The following CTNNA3 variants were observed in gnomAD, a reference collection of about 807,000 sequenced individuals.
CTNNA3 encodes the protein catenin alpha-3.
In CTNNA3, 76 loss-of-function variants were observed where a neutral mutation model predicts 95.7. That is an observed-to-expected ratio of 0.79 (90% CI 0.66 to 0.96). CTNNA3 has a LOEUF of 0.96. Among genes scored for constraint, CTNNA3 ranks in the 40% least tolerant of loss-of-function variants. CTNNA3 has a pLI of 0.00. For synonymous variants in CTNNA3, 431 were observed against 374.4 expected (o/e 1.15, Z -1.74); for missense variants, 1,191 against 1,089.8 (o/e 1.09, Z -1.31).
intron 7 of CTNNA3, among the ~76,000 whole-genome samples, chr10:67,161,298 A>G (rs1861536290): frequency 2.6e-5 from 4 of 152,032 alleles, no homozygotes; most frequent in Admixed American, 2.0e-4. Context: ...TTCTTTCTTC[A>G]GTTTTCTAAA....
chr10:66,568,689 C>T (rs1030088037), intron 10 of CTNNA3, among the ~76,000 whole-genome samples: 3 of 151,854 alleles, frequency 2.0e-5, no homozygotes, highest in Admixed American at 2.0e-4. Context: ...AGCAATAGAA[C>T]CAAAGTTCAA....
At chr10:65,933,074 C>T (rs991789777) in intron 17 of CTNNA3, among the ~76,000 whole-genome samples, 3 of 151,942 alleles carry the variant, frequency 2.0e-5, no homozygotes, top group Admixed American at 2.0e-4. Flanking sequence ...CTTTAGATTC[C>T]CTGGGTTTTG....
chr10:67,519,027 G>C (rs1174823887), intron 5 of CTNNA3, among the ~76,000 whole-genome samples: 1 of 152,064 alleles, frequency 6.6e-6, no homozygotes, highest in Non-Finnish European at 1.5e-5. Context: ...TCCAATCAAA[G>C]CTATTTCAAC....
rs531661725 is a variant in CTNNA3, at chr10:67,135,160, G to GAAATAGT, written c.1047+45156_1047+45157insACTATTT. The stretch of plus-strand genomic sequence containing the variant: ...GATACAGAGAATGAAATAGTATAAT[G>GAAATAGT]ATAAGTTCATTAATGAATATGGGTG... On this transcript the variant is annotated intron_variant, in intron 7 of 17. Transcript: ENST00000433211. Among the ~76,000 whole-genome samples the GAAATAGT allele has an allele frequency of 4.9e-3, 748 of 152,188 alleles. 6 individuals carry two copies. Among genetic ancestry groups the GAAATAGT allele is most frequent in the Non-Finnish European group, 7.1e-3 (485 of 68,002 alleles).
intron 11 of CTNNA3, among the ~76,000 whole-genome samples, chr10:66,489,396 G>A (rs10997179): frequency 1.3e-5 from 2 of 151,982 alleles, no homozygotes; most frequent in African/African-American, 2.4e-5. Context: ...TTTTTGGGTT[G>A]TAACTCATGA....
chr10:66,641,047 C>T (rs1222577233), intron 9 of CTNNA3, among the ~76,000 whole-genome samples: 5 of 152,002 alleles, frequency 3.3e-5, no homozygotes, highest in African/African-American at 1.2e-4. Flanking sequence ...ATTAAGGAAC[C>T]ACTCTATCTA....
intron 7 of CTNNA3, among the ~76,000 whole-genome samples, chr10:66,816,363 G>A (rs1222698422): frequency 6.6e-6 from 1 of 152,018 alleles, no homozygotes; most frequent in African/African-American, 2.4e-5. Flanking sequence ...AAATGTAAAT[G>A]GGTTAAACAC....
At chr10:66,599,136 C>T (rs764551105) in intron 10 of CTNNA3, among the ~76,000 whole-genome samples, 11 of 151,990 alleles carry the variant, frequency 7.2e-5, no homozygotes, top group Non-Finnish European at 7.4e-5. Flanking sequence ...CTACAAAGAA[C>T]TGCAACAAAT....
At chr10:66,188,282 A>C (rs897522675) in intron 13 of CTNNA3, among the ~76,000 whole-genome samples, 1 of 152,148 alleles carries the variant, frequency 6.6e-6, no homozygotes, top group African/African-American at 2.4e-5. Flanking sequence ...CCTTTTATTA[A>C]CTATCTATAG....
intron 5 of CTNNA3, among the ~76,000 whole-genome samples, chr10:67,300,263 A>G (rs1840213283): frequency 6.6e-6 from 1 of 152,190 alleles, no homozygotes; most frequent in Non-Finnish European, 1.5e-5. Flanking sequence ...TGTAATTTCA[A>G]ACACCTCGTT....
In CTNNA3 at chr10:66,492,826, A is replaced by T. The variant is rs116397966; in HGVS notation, c.1531+27791T>A. The stretch of plus-strand genomic sequence containing the variant: ...TTTGATTCCCTTAAGCATAGTTATT[A>T]TACTCCATCTAGTTTAAAGATCATT... On this transcript the variant is annotated intron_variant, in intron 11 of 17. Transcript: ENST00000433211. 4.1e-3 allele frequency among the ~76,000 whole-genome samples: 621 copies of T among 152,312 alleles called. 8 individuals carry two copies. The highest frequency in any genetic ancestry group is 0.015 in the African/African-American group (608 of 41,578).
chr10:66,993,606 T>C (rs2132945126), intron 7 of CTNNA3, among the ~76,000 whole-genome samples: 1 of 152,002 alleles, frequency 6.6e-6, no homozygotes, highest in East Asian at 1.9e-4. Context: ...AATTTTATAA[T>C]GTGATTTTTG....
At chr10:65,956,837 C>G (rs1359517540) in intron 17 of CTNNA3, among the ~76,000 whole-genome samples, 1 of 152,020 alleles carries the variant, frequency 6.6e-6, no homozygotes, top group Admixed American at 6.6e-5. Context: ...ATAAGTGCGA[C>G]GTTGTGCTGA....
rs367965796 is a variant in CTNNA3 at position 66,355,180 on chromosome 10, CTGAG to C, written c.1732+23968_1732+23971del. Among the ~76,000 whole-genome samples, 190 of 152,162 alleles carry C rather than the reference CTGAG, an allele frequency of 1.2e-3. 3 individuals are homozygous for C. The East Asian group carries it at 0.03, about 24-fold the overall frequency. On this transcript the variant is annotated intron_variant, in intron 12 of 17. Coordinates refer to ENST00000433211, the MANE Select transcript of CTNNA3 (RefSeq NM_013266.4). Reference sequence around the variant, plus strand: ...ATACAACTTAACTGAGAGCTCATTACTGAGTATTAGTATGTGTAAGAAACTTGCA... The same window carrying C: ...ATACAACTTAACTGAGAGCTCATTACTATTAGTATGTGTAAGAAACTTGCA...
intron 3 of CTNNA3, among the ~76,000 whole-genome samples, chr10:67,603,331 T>C (rs1843148228): frequency 6.6e-6 from 1 of 152,196 alleles, no homozygotes; most frequent in Non-Finnish European, 1.5e-5. Context: ...CCCATAGGAA[T>C]ATAGTAGAGT....
intron 9 of CTNNA3, among the ~76,000 whole-genome samples, chr10:66,650,669 C>T (rs1349164259): frequency 6.6e-6 from 1 of 152,122 alleles, no homozygotes; most frequent in Non-Finnish European, 1.5e-5. Context: ...TTCGTGGTCT[C>T]GCTGGCTTCA....
At chr10:67,613,697 T>A (rs1157724355) in intron 2 of CTNNA3, among the ~76,000 whole-genome samples, 1 of 152,218 alleles carries the variant, frequency 6.6e-6, no homozygotes, top group Non-Finnish European at 1.5e-5. Context: ...TGGCACATCC[T>A]TTTTATTACT....
chr10:65,967,296 A>T (rs1400405644), intron 16 of CTNNA3, among the ~76,000 whole-genome samples: 1 of 152,202 alleles, frequency 6.6e-6, no homozygotes, highest in East Asian at 1.9e-4. Flanking sequence ...AAAGGTATAT[A>T]AAATAGCTGC....
Position 67,410,132 on chromosome 10 carries a change from T to C in CTNNA3, c.579+111710A>G, listed in dbSNP as rs116871622. Among the ~76,000 whole-genome samples the C allele has an allele frequency of 1.6e-4, 24 of 152,078 alleles. No homozygotes were observed. The East Asian group carries it at 4.6e-3, about 29-fold the overall frequency. ...AAATGCCCATCAAAGATAGACTGGA[T>C]TAAAAAATGTGGCTCATATACACAA... On this transcript the variant is annotated intron_variant, in intron 5 of 17. Transcript: ENST00000433211.
Sources: gnomAD v4.1 joint callset for allele counts (sites outside exome capture counted in the v4.1 genomes callset) on GRCh38, gnomAD v4.1.1 for gene constraint, MANE v1.5 for transcripts, NCBI Gene and HGNC (gene_info 2026-07-23, HGNC 2026-07-21) for gene names.